SLC25A48: variants seen among roughly 807,000 people sequenced by gnomAD.
SLC25A48 encodes the protein solute carrier family 25 member 48.
In SLC25A48, 29 loss-of-function variants were observed where a neutral mutation model predicts 32.2. The ratio of observed to expected loss-of-function variants is 0.90; its 90% CI spans 0.67 to 1.23. The LOEUF is 1.23. Ranked by LOEUF, SLC25A48 falls within the 50% of genes most tolerant of loss-of-function variation. The pLI is 0.00. For synonymous variants in SLC25A48, 164 were observed against 172.3 expected (o/e 0.95, Z 0.38); for missense variants, 399 against 422.7 (o/e 0.94, Z 0.49).
intron 3 of SLC25A48, among the ~76,000 whole-genome samples, chr5:135,754,796 C>T (rs1755855568): frequency 3.3e-5 from 5 of 151,310 alleles, no homozygotes; most frequent in Admixed American, 2.6e-4. Context: ...TGAAATATCA[C>T]TCTGGCATTT....
intron 7 of SLC25A48, among the ~76,000 whole-genome samples, chr5:135,880,944 C>T (rs57557453): frequency 0.033 from 5,080 of 152,128 alleles, 300 homozygotes; most frequent in African/African-American, 0.12. Context: ...ATCCCCCACC[C>T]CCACCCACAC....
At chr5:135,585,339 T>C (rs1425120781) in intron 1 of SLC25A48, among the ~76,000 whole-genome samples, 1 of 152,228 alleles carries the variant, frequency 6.6e-6, no homozygotes, top group Non-Finnish European at 1.5e-5. Context: ...TCGTTTGCCT[T>C]CCTGAAACTG....
chr5:135,664,631 C>T (rs563072982), intron 3 of SLC25A48, among the ~76,000 whole-genome samples: 4 of 151,702 alleles, frequency 2.6e-5, no homozygotes, highest in Non-Finnish European at 5.9e-5. Flanking sequence ...CTCTGTTTGC[C>T]TTTGCATACC....
chr5:135,772,739 G>A (rs1226578519), intron 3 of SLC25A48, among the ~76,000 whole-genome samples: 1 of 151,642 alleles, frequency 6.6e-6, no homozygotes, highest in Admixed American at 6.6e-5. Context: ...CAATATCGCA[G>A]ATGGTGTGAT....
intron 3 of SLC25A48, among the ~76,000 whole-genome samples, chr5:135,696,062 T>C (rs1185561594): frequency 1.3e-5 from 2 of 152,314 alleles, no homozygotes; most frequent in Middle Eastern, 3.4e-3. Context: ...CAAATGGGCA[T>C]GGCAATAGCA....
chr5:135,819,109 AACATACATG>A (rs975778111), intron 4 of SLC25A48, among the ~76,000 whole-genome samples: 1 of 152,012 alleles, frequency 6.6e-6, no homozygotes, highest in African/African-American at 2.4e-5. Context: ...AAAAAAATCT[AACATACATG>A]ACATTGGAGT....
upstream of SLC25A48, among the ~76,000 whole-genome samples, chr5:135,833,666 A>C (rs115090029): frequency 7.0e-3 from 1,073 of 152,200 alleles, 12 homozygotes; most frequent in African/African-American, 0.024. Context: ...CGGCGACTCC[A>C]TCCCGGGCTG....
upstream of SLC25A48, among the ~76,000 whole-genome samples, chr5:135,833,735 C>T (rs994541070): frequency 6.6e-6 from 1 of 152,180 alleles, no homozygotes; most frequent in Non-Finnish European, 1.5e-5. Flanking sequence ...AGTGATGCTG[C>T]AGGAAGGTCC....
At chr5:135,655,050 G>A (rs1753210345) in intron 3 of SLC25A48, among the ~76,000 whole-genome samples, 1 of 152,218 alleles carries the variant, frequency 6.6e-6, no homozygotes, top group South Asian at 2.1e-4. Flanking sequence ...GGCCTTTCCT[G>A]TCCTTAGGTC....
chr5:135,616,004 G>A (rs541836603), intron 1 of SLC25A48, among the ~76,000 whole-genome samples: 1 of 152,368 alleles, frequency 6.6e-6, no homozygotes, highest in African/African-American at 2.4e-5. Flanking sequence ...AGCCTTGGAG[G>A]CTTCATCTTG....
chr5:135,685,966 C>T (rs1352163857), intron 3 of SLC25A48, among the ~76,000 whole-genome samples: 1 of 152,204 alleles, frequency 6.6e-6, no homozygotes, highest in Non-Finnish European at 1.5e-5. Context: ...CCTCCCATCT[C>T]CCATCTTCTG....
intron 4 of SLC25A48, among the ~76,000 whole-genome samples, chr5:135,822,737 C>A (rs1003958744): frequency 2.0e-5 from 3 of 152,164 alleles, no homozygotes; most frequent in Non-Finnish European, 4.4e-5. Context: ...GGGGGACACA[C>A]AACAACATAT....
rs1754048965 is a variant in SLC25A48, at chr5:135,687,770, TCTC to T, written c.-521+52818_-521+52820del. The stretch of plus-strand genomic sequence containing the variant: ...CTGTTCTGTTTTTACTAACAATTCT[TCTC>T]CTCTCCATGTTTATTGCATGGCTTT... On this transcript the variant is annotated intron_variant, in intron 3 of 10. Transcript: ENST00000646290. Among the ~76,000 whole-genome samples, 4 of 152,204 alleles carry T rather than the reference TCTC, an allele frequency of 2.6e-5. No individual in the cohort carries two copies. The South Asian group carries it at 8.3e-4, about 31-fold the overall frequency.
At position 135,749,361 on chromosome 5, in the gene SLC25A48, C is replaced by T. The variant is rs563136387; in HGVS notation, c.-520-63162C>T. On this transcript the variant is annotated intron_variant, in intron 3 of 10. Coordinates refer to the SLC25A48 transcript ENST00000646290. The stretch of plus-strand genomic sequence containing the variant: ...AGGTTTCTCCCACTGTCCCCCTCCC[C>T]CAGCCAAACCCCCATCTCACCTGGG... Among the ~76,000 whole-genome samples, 157 of 152,114 alleles carry T rather than the reference C, an allele frequency of 1.0e-3. 1 individual carries two copies. The highest frequency in any genetic ancestry group is 1.9e-3 in the Non-Finnish European group (132 of 67,976).
chr5:135,717,671 A>G (rs1754838550), intron 3 of SLC25A48, among the ~76,000 whole-genome samples: 1 of 152,146 alleles, frequency 6.6e-6, no homozygotes, highest in Non-Finnish European at 1.5e-5. Flanking sequence ...GTTGGTGTAG[A>G]TACAAGCCAA....
At chr5:135,808,919 A>G (rs536339327) in intron 3 of SLC25A48, among the ~76,000 whole-genome samples, 1 of 152,278 alleles carries the variant, frequency 6.6e-6, no homozygotes, top group Non-Finnish European at 1.5e-5. Flanking sequence ...AAGAAGCCCC[A>G]CAAATCAAGT....
intron 3 of SLC25A48, among the ~76,000 whole-genome samples, chr5:135,696,033 G>A (rs980437683): frequency 3.9e-5 from 6 of 152,200 alleles, no homozygotes; most frequent in African/African-American, 1.4e-4. Flanking sequence ...ACCTCTCTGA[G>A]CCTCAGTGTC....
intron 1 of SLC25A48, among the ~76,000 whole-genome samples, chr5:135,583,663 G>C (rs557762111): frequency 1.3e-5 from 2 of 151,768 alleles, no homozygotes; most frequent in Non-Finnish European, 1.5e-5. Context: ...TCTGTGTCCT[G>C]TACCTAGCTA....
chr5:135,628,298 C>T (rs1040923059), intron 1 of SLC25A48, among the ~76,000 whole-genome samples: 1 of 152,208 alleles, frequency 6.6e-6, no homozygotes, highest in Non-Finnish European at 1.5e-5. Flanking sequence ...GGTGCTACAA[C>T]TACAGAAGGG....
Sources: gnomAD v4.1 joint callset for allele counts (sites outside exome capture counted in the v4.1 genomes callset) on GRCh38, gnomAD v4.1.1 for gene constraint, MANE v1.5 for transcripts, NCBI Gene and HGNC (gene_info 2026-07-23, HGNC 2026-07-21) for gene names.